Variants in SUPT3H observed in about 807,000 individuals in gnomAD.
SUPT3H encodes the protein transcription initiation protein SPT3 homolog.
A neutral mutation model predicts 44.3 loss-of-function variants in SUPT3H; 44 were observed. The ratio of observed to expected loss-of-function variants is 0.99; its 90% CI spans 0.78 to 1.28. The LOEUF (loss-of-function observed/expected upper bound fraction) is 1.28, where lower values mean the gene tolerates loss of function less well. SUPT3H is among the 50% of genes most tolerant of loss of function. The probability of loss-of-function intolerance (pLI) is 0.00; values close to 1 mark genes in which losing one functional copy is unlikely to be tolerated. For missense variants in SUPT3H, 380 were observed against 387.1 expected (o/e 0.98, Z 0.15); for synonymous variants, 124 against 125.6 (o/e 0.99, Z 0.09).
At chr6:45,261,806 GA>G (rs1774411823) in intron 2 of SUPT3H, among the ~76,000 whole-genome samples, 1 of 152,036 alleles carries the variant, frequency 6.6e-6, no homozygotes, top group South Asian at 2.1e-4. Context: ...CTTCAAAAAT[GA>G]TATCACTCTA....
intron 2 of SUPT3H, among the ~76,000 whole-genome samples, chr6:45,353,058 A>G (rs963514647): frequency 6.6e-6 from 1 of 152,054 alleles, no homozygotes; most frequent in Admixed American, 6.5e-5. Flanking sequence ...CTCTAATAGT[A>G]CAGTAGTTAA....
rs543048690 is a variant in SUPT3H at position 45,242,717 on chromosome 6, A to G, written c.101+122484T>C. 1.2e-4 allele frequency among the ~76,000 whole-genome samples: 18 copies of G among 152,350 alleles called. No individual in the cohort carries two copies. In the East Asian group the frequency reaches 3.5e-3, roughly 29 times the overall value. The stretch of plus-strand genomic sequence containing the variant: ...ATTGCCTGGAAAAACAAAATTCACC[A>G]TTCTTGAAGGAAGATAACAAAATCT... On this transcript the variant is annotated intron_variant, in intron 2 of 10. Coordinates refer to ENST00000371459, the MANE Select transcript of SUPT3H (RefSeq NM_003599.4).
intron 2 of SUPT3H, among the ~76,000 whole-genome samples, chr6:45,344,117 A>G (rs537381613): frequency 2.9e-4 from 44 of 152,318 alleles, no homozygotes; most frequent in Non-Finnish European, 5.9e-4. Flanking sequence ...TTATTCGGAG[A>G]GATAAAAGTT....
intron 2 of SUPT3H, among the ~76,000 whole-genome samples, chr6:45,203,354 T>C (rs541218750): frequency 1.3e-5 from 2 of 152,196 alleles, no homozygotes; most frequent in Non-Finnish European, 2.9e-5. Flanking sequence ...TGTACCTAAA[T>C]GATCACCAAT....
intron 2 of SUPT3H, among the ~76,000 whole-genome samples, chr6:45,358,861 T>C (rs927704327): frequency 2.6e-5 from 4 of 152,136 alleles, no homozygotes; most frequent in African/African-American, 9.7e-5. Flanking sequence ...ATATATCAAT[T>C]ACAGCATGGA....
chr6:45,372,114 T>C (rs16873379), intron 1 of SUPT3H: 86,515 of 694,038 alleles, frequency 0.12, 5,670 homozygotes, highest in East Asian at 0.25. Context: ...TATCTGACTA[T>C]GCCAAACCAC....
chr6:45,205,910 T>C (rs1442199505), intron 2 of SUPT3H, among the ~76,000 whole-genome samples: 1 of 152,224 alleles, frequency 6.6e-6, no homozygotes, highest in East Asian at 1.9e-4. Flanking sequence ...ACTGCCTTTT[T>C]CTTATGATCA....
intron 3 of SUPT3H, among the ~76,000 whole-genome samples, chr6:45,057,510 CA>C (rs1284400222): frequency 2.0e-5 from 3 of 151,458 alleles, no homozygotes; most frequent in African/African-American, 7.3e-5. Flanking sequence ...AAAAACAAAA[CA>C]AAAAAAACCT....
chr6:45,186,121 T>G (rs932401300), intron 2 of SUPT3H, among the ~76,000 whole-genome samples: 20 of 152,220 alleles, frequency 1.3e-4, no homozygotes, highest in African/African-American at 4.8e-4. Flanking sequence ...GTAAAGGCAA[T>G]GTAAGTCAGT....
At chr6:45,159,961 C>T (rs1238098146) in intron 2 of SUPT3H, among the ~76,000 whole-genome samples, 2 of 151,996 alleles carry the variant, frequency 1.3e-5, no homozygotes, top group East Asian at 1.9e-4. Flanking sequence ...AAAATTAATG[C>T]GAGTTATAAA....
At chr6:45,040,731 C>T (rs1053748783) in intron 3 of SUPT3H, among the ~76,000 whole-genome samples, 2 of 152,086 alleles carry the variant, frequency 1.3e-5, no homozygotes, top group Admixed American at 6.5e-5. Context: ...AGAGAAGCCC[C>T]ACAACTTTAA....
At chr6:45,308,321 G>C (rs1341285870) in intron 2 of SUPT3H, among the ~76,000 whole-genome samples, 1 of 152,110 alleles carries the variant, frequency 6.6e-6, no homozygotes, top group Non-Finnish European at 1.5e-5. Context: ...TTGAAATGAA[G>C]GAAAAAATGT....
intron 3 of SUPT3H, among the ~76,000 whole-genome samples, chr6:45,078,172 C>A (rs539660711): frequency 1.3e-5 from 2 of 152,126 alleles, no homozygotes; most frequent in African/African-American, 4.8e-5. Flanking sequence ...CATGTCCAGT[C>A]CTCCGGTCAT....
At chr6:45,281,490 A>G (rs1356793983) in intron 2 of SUPT3H, among the ~76,000 whole-genome samples, 1 of 152,182 alleles carries the variant, frequency 6.6e-6, no homozygotes, top group African/African-American at 2.4e-5. Context: ...AGCCTCGCTC[A>G]TTGCTAGCAC....
chr6:45,071,395 CT>C (rs1171216754), intron 3 of SUPT3H, among the ~76,000 whole-genome samples: 13 of 152,072 alleles, frequency 8.5e-5, no homozygotes, highest in Admixed American at 8.5e-4. Context: ...ATTTTCCTGT[CT>C]TTTTTTGCCC....
At chr6:44,889,652 A>G (rs1198646680) in intron 10 of SUPT3H, among the ~76,000 whole-genome samples, 2 of 152,210 alleles carry the variant, frequency 1.3e-5, no homozygotes, top group Non-Finnish European at 2.9e-5. Flanking sequence ...CTAAAACCAT[A>G]AAAACCCTAG....
intron 10 of SUPT3H, among the ~76,000 whole-genome samples, chr6:44,842,016 G>C (rs928092786): frequency 6.6e-6 from 1 of 152,176 alleles, no homozygotes; most frequent in Non-Finnish European, 1.5e-5. Flanking sequence ...AGGTGACAGA[G>C]AGAGATGGGG....
chr6:44,811,657 T>C (rs748667457), intron 11 of SUPT3H, among the ~76,000 whole-genome samples: 2 of 152,240 alleles, frequency 1.3e-5, no homozygotes, highest in Non-Finnish European at 1.5e-5. Context: ...TGTCTTCACA[T>C]TCTTCTACTC....
At chr6:45,051,466 T>C (rs1009347809) in intron 3 of SUPT3H, among the ~76,000 whole-genome samples, 2 of 151,636 alleles carry the variant, frequency 1.3e-5, no homozygotes, top group Non-Finnish European at 2.9e-5. Flanking sequence ...GTGAAATAAA[T>C]AGGGAAAAAT....
Sources: gnomAD v4.1 joint callset for allele counts (sites outside exome capture counted in the v4.1 genomes callset) on GRCh38, gnomAD v4.1.1 for gene constraint, MANE v1.5 for transcripts, NCBI Gene and HGNC (gene_info 2026-07-23, HGNC 2026-07-21) for gene names.